Variants in CECR2 observed in about 807,000 individuals in gnomAD.
CECR2 encodes the protein chromatin remodeling regulator CECR2.
In CECR2, 30 loss-of-function variants were observed where a neutral mutation model predicts 154.5. The ratio of observed to expected loss-of-function variants is 0.19; its 90% CI spans 0.15 to 0.26. The LOEUF (loss-of-function observed/expected upper bound fraction) is 0.26, where lower values mean the gene tolerates loss of function less well. Ranked by LOEUF, CECR2 falls within the 10% of genes least tolerant of loss-of-function variation. CECR2 has a pLI of 1.00. For missense variants in CECR2, 1,743 were observed against 1,829.3 expected (o/e 0.95, Z 0.86); for synonymous variants, 725 against 683.7 (o/e 1.06, Z -0.94).
At chr22:17,547,501 A>G (rs1433562805) in intron 16 of CECR2, among the ~76,000 whole-genome samples, 2 of 152,112 alleles carry the variant, frequency 1.3e-5, no homozygotes, top group Admixed American at 1.3e-4. Flanking sequence ...AAATGCTGGG[A>G]TTACAGGCGT....
At chr22:17,521,482 G>A (rs915986775) in intron 8 of CECR2, among the ~76,000 whole-genome samples, 2 of 150,900 alleles carry the variant, frequency 1.3e-5, no homozygotes, top group African/African-American at 2.4e-5. Context: ...CCGAGATGGC[G>A]CCACTGCACT....
intron 1 of CECR2, among the ~76,000 whole-genome samples, chr22:17,410,130 C>T (rs1601308412): frequency 6.6e-6 from 1 of 151,766 alleles, no homozygotes; most frequent in Middle Eastern, 3.4e-3. Flanking sequence ...TACAGGCACG[C>T]ACCACCACAC....
intron 2 of CECR2, among the ~76,000 whole-genome samples, chr22:17,488,128 C>G (rs2055457081): frequency 6.6e-6 from 1 of 152,174 alleles, no homozygotes; most frequent in Middle Eastern, 3.2e-3. Flanking sequence ...GTGATCTGCC[C>G]CCCCTTGGCC....
intron 17 of CECR2, chr22:17,550,344 C>A: frequency 6.1e-6 from 1 of 164,404 alleles, no homozygotes; most frequent in South Asian, 1.5e-4. Context: ...ACTTAATAAC[C>A]ACAGTTTGAG....
At chr22:17,470,864 A>C (rs1332330858) in intron 1 of CECR2, among the ~76,000 whole-genome samples, 1 of 152,064 alleles carries the variant, frequency 6.6e-6, no homozygotes, top group African/African-American at 2.4e-5. Flanking sequence ...TTAACCTTCC[A>C]AGTTTGATTA....
chr22:17,517,182 C>G (rs1218300500), intron 8 of CECR2, among the ~76,000 whole-genome samples: 4 of 152,216 alleles, frequency 2.6e-5, no homozygotes, highest in Non-Finnish European at 5.9e-5. Flanking sequence ...TGGCCAAGAT[C>G]TGGGTGTTTT....
chr22:17,381,892 T>TTG (rs1555900170), intron 1 of CECR2, among the ~76,000 whole-genome samples: 9 of 148,604 alleles, frequency 6.1e-5, no homozygotes, highest in South Asian at 2.1e-4. Context: ...ACATTTTTTT[T>TTG]TTTTGTTTTT....
At chr22:17,532,122 G>T (rs570816539) in intron 9 of CECR2, among the ~76,000 whole-genome samples, 64 of 152,192 alleles carry the variant, frequency 4.2e-4, no homozygotes, top group African/African-American at 1.4e-3. Context: ...GTGAGCCGTG[G>T]TTGTGCACAG....
intron 2 of CECR2, among the ~76,000 whole-genome samples, chr22:17,484,676 G>C (rs1240527407): frequency 1.3e-5 from 2 of 152,074 alleles, no homozygotes; most frequent in African/African-American, 4.8e-5. Flanking sequence ...CAAGGTGGGC[G>C]GATCACTTGA....
intron 1 of CECR2, among the ~76,000 whole-genome samples, chr22:17,437,682 A>G (rs1214741054): frequency 2.0e-5 from 3 of 152,146 alleles, no homozygotes; most frequent in African/African-American, 7.2e-5. Flanking sequence ...TTGACTTATC[A>G]AGGTGTCACA....
chr22:17,542,113 T>C (rs2056533165), intron 15 of CECR2, 44 bp from the exon 16 acceptor site: 1 of 1,589,490 alleles, frequency 6.3e-7, no homozygotes, highest in East Asian at 2.2e-5. Flanking sequence ...AAAGTGTGCC[T>C]TATTCTGTGA....
chr22:17,412,648 A>G (rs1271800390), intron 1 of CECR2, among the ~76,000 whole-genome samples: 3 of 152,140 alleles, frequency 2.0e-5, no homozygotes, highest in African/African-American at 4.8e-5. Flanking sequence ...GGCTCTTGCT[A>G]AAGGAAAATT....
intron 17 of CECR2, among the ~76,000 whole-genome samples, chr22:17,550,582 G>A (rs1156317593): frequency 2.0e-5 from 3 of 152,196 alleles, no homozygotes; most frequent in African/African-American, 7.2e-5. Context: ...CTTGTGTAGT[G>A]TTGTTCTCCA....
intron 8 of CECR2, among the ~76,000 whole-genome samples, chr22:17,516,534 T>A (rs1420790837): frequency 1.3e-5 from 2 of 152,144 alleles, no homozygotes; most frequent in Non-Finnish European, 2.9e-5. Flanking sequence ...AGGTGATGAA[T>A]CATGGGATGG....
Position 17,541,915 on chromosome 22 carries a change from C to G in CECR2, c.1961C>G (p.Pro654Arg), listed in dbSNP as rs1296794. The G allele has an allele frequency of 1.7e-5, 27 of 1,613,634 alleles. No homozygotes were observed. The highest frequency in any genetic ancestry group is 2.0e-5 in the Non-Finnish European group (24 of 1,179,758). ...ACCTTGTATGGCTCCTCTGGAGTCC[C>G]GGAGCCACACCCCGGGGAGCCTGTG... ...PATLYGSSGV[P>R]EPHPGEPVQQ... is the part of the protein sequence containing the mutation. Residue 654 changes from proline (P) to arginine (R), a missense_variant, in exon 15 of 19, where the codon CCG becomes CGG. Transcript: ENST00000262608.
intron 1 of CECR2, among the ~76,000 whole-genome samples, chr22:17,463,428 A>G (rs1458119786): frequency 1.3e-5 from 2 of 152,210 alleles, no homozygotes; most frequent in Non-Finnish European, 2.9e-5. Context: ...GGAAGCTTTT[A>G]AATGGATGAA....
rs1232322011 is a variant in CECR2 at position 17,548,254 on chromosome 22, C to T, written c.2967C>T (p.Cys989=). The change falls in exon 17 of 19, where the codon TGC becomes TGT. Residue 989 remains cysteine (C), a synonymous_variant. Transcript: ENST00000262608. ...CCACACCTCCCCTGCAGACTGACTG[C>T]ACCAGGCAGAGCTCACCACAAGAAA... ...PHPTPPLQTD[C]TRQSSPQERE... is the part of the protein sequence containing the mutation. The T allele has an allele frequency of 5.0e-6, 8 of 1,604,054 alleles. No homozygotes were observed. Among genetic ancestry groups the T allele is most frequent in the Non-Finnish European group, 6.8e-6 (8 of 1,175,332 alleles).
intron 1 of CECR2, among the ~76,000 whole-genome samples, chr22:17,429,550 AC>A (rs1414226995): frequency 0.012 from 1,622 of 139,902 alleles, 40 homozygotes; most frequent in African/African-American, 0.044. Context: ...AAAAACAAAA[AC>A]AAAAACAAAG....
chr22:17,481,342 CAAAAAAA>C (rs10714119), intron 2 of CECR2, among the ~76,000 whole-genome samples: 4 of 73,768 alleles, frequency 5.4e-5, no homozygotes, highest in Admixed American at 1.5e-4. Flanking sequence ...GACTCTGTCT[CAAAAAAA>C]AAAAAAAAAA....
Sources: gnomAD v4.1 joint callset for allele counts (sites outside exome capture counted in the v4.1 genomes callset) on GRCh38, gnomAD v4.1.1 for gene constraint, MANE v1.5 for transcripts, NCBI Gene and HGNC (gene_info 2026-07-23, HGNC 2026-07-21) for gene names.